MARCHF1: variants seen among roughly 807,000 people sequenced by gnomAD.
MARCHF1 encodes the protein E3 ubiquitin-protein ligase MARCHF1.
In MARCHF1, 40 loss-of-function variants were observed where a neutral mutation model predicts 54.2. The observed-to-expected ratio is 0.74, with a 90% CI of 0.57 to 0.96. The LOEUF (loss-of-function observed/expected upper bound fraction) is 0.96, where lower values mean the gene tolerates loss of function less well. MARCHF1 is among the 40% of genes least tolerant of loss of function. The probability of loss-of-function intolerance (pLI) is 0.00; values close to 1 mark genes in which losing one functional copy is unlikely to be tolerated. For missense variants in MARCHF1, 586 were observed against 656.5 expected, an observed-to-expected ratio of 0.89 and a Z score of 1.17; for synonymous variants, 236 against 236.3, an observed-to-expected ratio of 1.00 and a Z score of 0.01.
intron 3 of MARCHF1, among the ~76,000 whole-genome samples, chr4:163,901,345 T>C (rs1750936602): frequency 6.6e-6 from 1 of 152,232 alleles, no homozygotes; most frequent in Non-Finnish European, 1.5e-5. Flanking sequence ...TATGTCTTGT[T>C]TTTGCTGTAA....
intron 1 of MARCHF1, among the ~76,000 whole-genome samples, chr4:164,212,992 G>A (rs892169433): frequency 4.4e-4 from 67 of 152,074 alleles, no homozygotes; most frequent in African/African-American, 1.5e-3. Flanking sequence ...TGAAAGAAAG[G>A]ACATAACAGC....
intron 1 of MARCHF1, among the ~76,000 whole-genome samples, chr4:164,273,866 CATA>C (rs930080953): frequency 2.0e-5 from 3 of 151,860 alleles, no homozygotes; most frequent in Non-Finnish European, 2.9e-5. Flanking sequence ...AGAAGAGTAC[CATA>C]ATAAGAAAAA....
intron 1 of MARCHF1, among the ~76,000 whole-genome samples, chr4:164,381,722 C>T (rs1731375977): frequency 6.6e-6 from 1 of 152,140 alleles, no homozygotes; most frequent in African/African-American, 2.4e-5. Flanking sequence ...CTCGTACGTT[C>T]ATAAGTCTAT....
chr4:163,643,156 T>C (rs1182035963), intron 5 of MARCHF1, among the ~76,000 whole-genome samples: 2 of 52,574 alleles, frequency 3.8e-5, no homozygotes, highest in African/African-American at 7.7e-5. Context: ...CTACTATAAA[T>C]ACAAAAAAAA....
chr4:164,186,339 T>A (rs957642284), intron 1 of MARCHF1, among the ~76,000 whole-genome samples: 3 of 152,222 alleles, frequency 2.0e-5, no homozygotes, highest in Non-Finnish European at 2.9e-5. Context: ...CTCTCTTTTT[T>A]AAAAAACCTG....
chr4:164,006,993 A>G (rs867353274), intron 2 of MARCHF1, among the ~76,000 whole-genome samples: 221 of 4,348 alleles, frequency 0.051, no homozygotes, highest in African/African-American at 0.11. Flanking sequence ...GAAATCTGAA[A>G]AAAAAAAAAA....
At chr4:163,733,227 G>GTATATATATATATATATATA (rs1241873225) in intron 4 of MARCHF1, among the ~76,000 whole-genome samples, 1 of 13,818 alleles carries the variant, frequency 7.2e-5, no homozygotes, top group East Asian at 1.1e-3. Context: ...ATATACACGT[G>GTATATATATATATATATATA]TATATATATA....
At position 163,628,123 on chromosome 4, in the gene MARCHF1, T is replaced by G. The variant is rs534447422; in HGVS notation, c.163-14730A>C. Among the ~76,000 whole-genome samples the G allele has an allele frequency of 1.4e-4, 21 of 152,222 alleles. 1 individual carries two copies. The South Asian group carries it at 4.1e-3, about 30-fold the overall frequency. ...AAAAAAATTGTTGTTTGAAAGATACTATGAAAGAGAAAATGCAAAGTGCAC... is the reference window on the plus strand; with the variant it reads ...AAAAAAATTGTTGTTTGAAAGATACGATGAAAGAGAAAATGCAAAGTGCAC... On this transcript the variant is annotated intron_variant, in intron 5 of 9. Coordinates refer to ENST00000514618, the MANE Select transcript of MARCHF1 (RefSeq NM_001394959.1).
chr4:164,007,646 C>CTCTCTG lies in MARCHF1; in HGVS notation c.-247-18938_-247-18937insCAGAGA, dbSNP rs1484621420. ...AGAATTTATTTCTCTCTCTCTCTCT[C>CTCTCTG]TGTGTGTGTGTGTGTGTGTGTGTGT... On this transcript the variant is annotated intron_variant, in intron 2 of 9. Coordinates refer to ENST00000514618, the MANE Select transcript of MARCHF1 (RefSeq NM_001394959.1). Among the ~76,000 whole-genome samples the CTCTCTG allele has an allele frequency of 1.6e-3, 231 of 140,008 alleles. 2 individuals carry two copies. The highest frequency in any genetic ancestry group is 5.4e-3 in the East Asian group (23 of 4,264). The allele number at this position is 140,008 out of a possible 152,430, so 91.9% of individuals were successfully genotyped here. A position where few individuals can be genotyped will look rare whatever the true frequency, so the allele number is the denominator to read the frequency against.
chr4:163,979,036 T>TTTA (rs1272628165), intron 3 of MARCHF1, among the ~76,000 whole-genome samples: 1 of 114,124 alleles, frequency 8.8e-6, no homozygotes, highest in African/African-American at 2.9e-5. Flanking sequence ...TTTTTTTTTT[T>TTTA]ATACTTTAAG....
intron 8 of MARCHF1, chr4:163,584,921 A>C (rs1429612544): frequency 1.3e-5 from 2 of 152,230 alleles, no homozygotes; most frequent in Admixed American, 6.5e-5. Context: ...AGGCAGCCAT[A>C]TATGTAAGGC....
intron 4 of MARCHF1, among the ~76,000 whole-genome samples, chr4:163,725,703 A>C (rs1185246954): frequency 6.6e-6 from 1 of 152,194 alleles, no homozygotes; most frequent in Non-Finnish European, 1.5e-5. Flanking sequence ...CAAGTCAGAA[A>C]GTCCCTAGCT....
At chr4:164,234,214 T>C (rs1313608727) in intron 1 of MARCHF1, among the ~76,000 whole-genome samples, 6 of 152,282 alleles carry the variant, frequency 3.9e-5, no homozygotes, top group Admixed American at 6.5e-5. Context: ...CAGTTATTAA[T>C]ATCTAGGTAA....
At chr4:164,198,642 T>C (rs182802258) in intron 1 of MARCHF1, among the ~76,000 whole-genome samples, 2 of 152,354 alleles carry the variant, frequency 1.3e-5, no homozygotes, top group Admixed American at 1.3e-4. Flanking sequence ...TAGTGTTCTA[T>C]TGAGAAGTTA....
chr4:163,889,090 G>A (rs1473767053), intron 3 of MARCHF1, among the ~76,000 whole-genome samples: 2 of 152,122 alleles, frequency 1.3e-5, no homozygotes, highest in Non-Finnish European at 2.9e-5. Flanking sequence ...AGTAGTCAGG[G>A]AATGGCATAT....
chr4:163,743,518 G>A (rs561849435), intron 4 of MARCHF1, among the ~76,000 whole-genome samples: 5 of 151,896 alleles, frequency 3.3e-5, no homozygotes, highest in East Asian at 1.9e-4. Context: ...CACCTAATTC[G>A]CTTCTCTGTT....
At chr4:164,241,761 T>A (rs1732762422) in intron 1 of MARCHF1, among the ~76,000 whole-genome samples, 1 of 152,062 alleles carries the variant, frequency 6.6e-6, no homozygotes, top group East Asian at 1.9e-4. Flanking sequence ...CACAGGTCAG[T>A]GGGTGCGCGC....
intron 4 of MARCHF1, among the ~76,000 whole-genome samples, chr4:163,736,115 A>G (rs1477598954): frequency 6.6e-6 from 1 of 152,176 alleles, no homozygotes; most frequent in African/African-American, 2.4e-5. Context: ...CTTAGCATAT[A>G]TATGTTTTAA....
intron 1 of MARCHF1, among the ~76,000 whole-genome samples, chr4:164,143,293 C>G (rs1273159151): frequency 6.8e-6 from 1 of 147,794 alleles, no homozygotes; most frequent in Non-Finnish European, 1.5e-5. Context: ...CAAGGCAGGC[C>G]AACGTTCAGA....
Sources: gnomAD v4.1 joint callset for allele counts (sites outside exome capture counted in the v4.1 genomes callset) on GRCh38, gnomAD v4.1.1 for gene constraint, MANE v1.5 for transcripts, NCBI Gene and HGNC (gene_info 2026-07-23, HGNC 2026-07-21) for gene names.